The following MTOR variants were observed in gnomAD, a reference collection of about 807,000 sequenced individuals.
MTOR encodes serine/threonine-protein kinase mTOR.
Under a neutral mutation model 319.8 loss-of-function variants are expected in MTOR, and 70 were observed. The ratio of observed to expected loss-of-function variants is 0.22; its 90% CI spans 0.18 to 0.27. The LOEUF is 0.27. Ranked by LOEUF, MTOR falls within the 10% of genes least tolerant of loss-of-function variation. The pLI is 1.00. For synonymous variants in MTOR, 1,183 were observed against 1,211.4 expected (o/e 0.98, Z 0.49); for missense variants, 1,890 against 3,274.4 (o/e 0.58, Z 10.32).
rs1174758732 is a variant in MTOR at position 11,212,735 on chromosome 1, G to T, written c.3398+61C>A. The T allele has an allele frequency of 7.1e-7, 1 of 1,415,516 alleles. No individual in the cohort carries two copies. The highest frequency in any genetic ancestry group is 1.8e-5 in the Admixed American group (1 of 55,318). The allele number at this position is 1,415,516 out of a possible 1,614,324, so 87.7% of individuals were successfully genotyped here. A position where few individuals can be genotyped will look rare whatever the true frequency, so the allele number is the denominator to read the frequency against. ...AAGATGGCCTGGGAACTTAAGAAAT[G>T]AACATTTTCAACAAAACATTAAAGC... On this transcript the variant is annotated intron_variant, in intron 22 of 57. Transcript: ENST00000361445. This position sits in a 1 kb window ranked among gnomAD's most constrained non-coding sequence, Gnocchi z 4.1.
intron 28 of MTOR, chr1:11,189,339 G>A (rs373008244): frequency 6.6e-4 from 312 of 470,780 alleles, no homozygotes; most frequent in Admixed American, 1.1e-3. Flanking sequence ...TTAAGATGCT[G>A]ACTTGTGGAG....
At chr1:11,245,780 C>T (rs1648729382) in intron 8 of MTOR, among the ~76,000 whole-genome samples, 1 of 152,124 alleles carries the variant, frequency 6.6e-6, no homozygotes, top group South Asian at 2.1e-4. Flanking sequence ...AGTGGAGACT[C>T]ATGCCTGTGG....
intron 36 of MTOR, among the ~76,000 whole-genome samples, chr1:11,138,079 G>C (rs963652994): frequency 1.3e-5 from 2 of 152,186 alleles, no homozygotes; most frequent in African/African-American, 4.8e-5. Flanking sequence ...GAGAAGTTGG[G>C]CTGGGGTCTT....
chr1:11,133,290 C>G lies in MTOR; in HGVS notation c.5247-93G>C, dbSNP rs1212277248. ...ATTGTTAGGGGACACTGAAGCCCTT[C>G]TGGTATTTCCTCTTATTCTCAAGAG... On this transcript the variant is annotated intron_variant, in intron 37 of 57. Coordinates refer to ENST00000361445, the MANE Select transcript of MTOR (RefSeq NM_004958.4). The surrounding 1 kb of genome is among the most constrained non-coding windows in gnomAD (Gnocchi z 4.0). 9.2e-7 allele frequency: 1 copy of G among 1,092,348 alleles called. No individual in the cohort carries two copies. Among genetic ancestry groups the G allele is most frequent in the Admixed American group, 1.9e-5 (1 of 53,350 alleles). 67.7% of individuals were successfully genotyped at this position (1,092,348 alleles called of 1,614,324 possible).
At position 11,127,280 on chromosome 1, in the gene MTOR, C is replaced by G. The variant is rs889659523; in HGVS notation, c.6217-136G>C. 18 of 1,259,938 alleles carry G rather than the reference C, an allele frequency of 1.4e-5. No individual in the cohort carries two copies. Among genetic ancestry groups the G allele is most frequent in the Non-Finnish European group, 2.0e-5 (18 of 916,946 alleles). The allele number at this position is 1,259,938 out of a possible 1,614,324, so 78.0% of individuals were successfully genotyped here. On this transcript the variant is annotated intron_variant, in intron 44 of 57. Transcript: ENST00000361445. This position sits in a 1 kb window ranked among gnomAD's most constrained non-coding sequence, Gnocchi z 5.5. ...AACACTGGCAGGGGGCTGGAGAAAG[C>G]AAGAGCATAGGTGCAGGCCTCCAAC...
intron 28 of MTOR, among the ~76,000 whole-genome samples, chr1:11,182,149 G>A (rs1295196478): frequency 6.6e-6 from 1 of 152,028 alleles, no homozygotes; most frequent in Non-Finnish European, 1.5e-5. Flanking sequence ...CCTGGGAGGC[G>A]GAGGTTGCAG....
intron 19 of MTOR, 119 bp downstream of exon 19, chr1:11,228,549 G>C: frequency 7.4e-7 from 1 of 1,345,496 alleles, no homozygotes; most frequent in South Asian, 1.4e-5. Flanking sequence ...AGTTAAGGGG[G>C]AGGAAGGCAT....
chr1:11,208,866 G>A (rs1356212477), intron 25 of MTOR, among the ~76,000 whole-genome samples: 2 of 152,198 alleles, frequency 1.3e-5, no homozygotes, highest in Middle Eastern at 3.2e-3. Context: ...TGTCAGAAAT[G>A]CAGAATATCA....
Position 11,222,622 on chromosome 1 carries a change from A to G in MTOR, c.3030+6046T>C, listed in dbSNP as rs532465601. Among the ~76,000 whole-genome samples the G allele has an allele frequency of 3.3e-3, 500 of 152,308 alleles. 2 individuals are homozygous for G. Among genetic ancestry groups the G allele is most frequent in the African/African-American group, 0.011 (472 of 41,580 alleles). ...CCAAAGTGCTGATATTACAGCCACC[A>G]TGCCCAGCCAAGTTCTTTATTTCTA... On this transcript the variant is annotated intron_variant, in intron 19 of 57. Coordinates refer to ENST00000361445, the MANE Select transcript of MTOR (RefSeq NM_004958.4).
At chr1:11,116,612 C>A (rs1204782960) in intron 50 of MTOR, among the ~76,000 whole-genome samples, 1 of 152,132 alleles carries the variant, frequency 6.6e-6, no homozygotes, top group African/African-American at 2.4e-5. Context: ...GCCTGCCCTG[C>A]AATACAGCTT....
chr1:11,248,198 AACT>A lies in MTOR; in HGVS notation c.841-107_841-105del, dbSNP rs2100941666. 2.5e-6 allele frequency: 3 copies of A among 1,208,722 alleles called. No individual in the cohort carries two copies. In the South Asian group the frequency reaches 4.5e-5, roughly 18 times the overall value. 74.9% of individuals were successfully genotyped at this position (1,208,722 alleles called of 1,614,324 possible). On this transcript the variant is annotated intron_variant, in intron 6 of 57. Coordinates refer to ENST00000361445, the MANE Select transcript of MTOR (RefSeq NM_004958.4). ...TTACATTTGCCTAATCCCGAAACGC[AACT>A]ACTTCCAAAGTGAAGGGTGGCCACT...
intron 50 of MTOR, among the ~76,000 whole-genome samples, chr1:11,116,382 A>C (rs756315740): frequency 1.3e-5 from 2 of 152,176 alleles, no homozygotes; most frequent in Non-Finnish European, 2.9e-5. Context: ...TGGTGCAATC[A>C]CGGCTCACTA....
At chr1:11,157,810 C>T (rs1644363577) in intron 29 of MTOR, among the ~76,000 whole-genome samples, 1 of 152,146 alleles carries the variant, frequency 6.6e-6, no homozygotes, top group South Asian at 2.1e-4. Context: ...TTTTTAAAAC[C>T]TCTTGATTCT....
Position 11,248,095 on chromosome 1 carries a change from CTATATA to C in MTOR, c.841-7_841-2del. The C allele has an allele frequency of 6.3e-7, 1 of 1,597,872 alleles. No individual in the cohort carries two copies. Reference sequence around the variant, plus strand: ...TTTCTTCCATTTCTTCTCTCAGACGCTATATATATGAGGAGGAAAAAAATCATCTTT... The same window carrying C: ...TTTCTTCCATTTCTTCTCTCAGACGCTATGAGGAGGAAAAAAATCATCTTT... On this transcript the variant is annotated splice_acceptor_variant and splice_polypyrimidine_tract_variant and intron_variant, in intron 6 of 57. Coordinates refer to ENST00000361445, the MANE Select transcript of MTOR (RefSeq NM_004958.4). LOFTEE classifies it high-confidence loss of function.
At chr1:11,225,498 T>C (rs1372756538) in intron 19 of MTOR, among the ~76,000 whole-genome samples, 1 of 151,356 alleles carries the variant, frequency 6.6e-6, no homozygotes, top group East Asian at 1.9e-4. Context: ...CTCAGCTCAC[T>C]GCAACCTCCA....
At position 11,204,744 on chromosome 1, in the gene MTOR, AGGGCC is replaced by A. The variant is rs1251049623; in HGVS notation, c.3802-46_3802-42del. ...TGACAATGGAAAACAATCAGTTTCAAGGGCCAATTGAAAAAAGTCCTCATCTATTT... is the reference window on the plus strand; with the variant it reads ...TGACAATGGAAAACAATCAGTTTCAAAATTGAAAAAAGTCCTCATCTATTT... On this transcript the variant is annotated intron_variant, in intron 25 of 57. Transcript: ENST00000361445. 7 of 1,593,506 alleles carry A rather than the reference AGGGCC, an allele frequency of 4.4e-6. No homozygotes were observed. The Admixed American group carries it at 7.1e-5, about 16-fold the overall frequency.
intron 30 of MTOR, among the ~76,000 whole-genome samples, chr1:11,151,506 T>G (rs1644142444): frequency 6.6e-6 from 1 of 152,042 alleles, no homozygotes; most frequent in South Asian, 2.1e-4. Flanking sequence ...CTCAAACTAC[T>G]AAGTGCATCA....
Position 11,194,715 on chromosome 1 carries a change from T to C in MTOR, c.4253+4543A>G, listed in dbSNP as rs12046799. Reference sequence around the variant, plus strand: ...TTCAGGTACAAGCTCATAATCCCACTTGAGGAGAAAGAGTGAATTATAACT... The same window carrying C: ...TTCAGGTACAAGCTCATAATCCCACCTGAGGAGAAAGAGTGAATTATAACT... On this transcript the variant is annotated intron_variant, in intron 28 of 57. Transcript: ENST00000361445. 17 of 1,610,482 alleles carry C rather than the reference T, an allele frequency of 1.1e-5. No individual in the cohort carries two copies. The Admixed American group carries it at 2.8e-4, about 27-fold the overall frequency.
In MTOR at chr1:11,127,858, A is replaced by C; in HGVS notation, c.6034-52T>G. On this transcript the variant is annotated intron_variant, in intron 43 of 57. Coordinates refer to ENST00000361445, the MANE Select transcript of MTOR (RefSeq NM_004958.4). This position sits in a 1 kb window ranked among gnomAD's most constrained non-coding sequence, Gnocchi z 5.5. The stretch of plus-strand genomic sequence containing the variant: ...GCATCAAGAATCAGCTAACCTCAGA[A>C]AGGTCTGTTTTGGAGACACAGGAGG... The C allele has an allele frequency of 6.3e-7, 1 of 1,593,812 alleles. No homozygotes were observed. The highest frequency in any genetic ancestry group is 8.5e-7 in the Non-Finnish European group (1 of 1,169,662).
Sources: gnomAD v4.1 joint callset for allele counts (sites outside exome capture counted in the v4.1 genomes callset) on GRCh38, gnomAD v4.1.1 for gene constraint, Gnocchi (gnomAD v3.1) non-coding constraint, MANE v1.5 for transcripts, NCBI Gene and HGNC (gene_info 2026-07-23, HGNC 2026-07-21) for gene names.